APLF: variants seen among roughly 807,000 people sequenced by gnomAD.
The protein encoded by APLF is aprataxin and PNKP like factor, also known as aprataxin and PNK-like factor.
A neutral mutation model predicts 55.6 loss-of-function variants in APLF; 61 were observed. The observed-to-expected ratio is 1.10, with a 90% confidence interval of 0.89 to 1.36. The LOEUF (loss-of-function observed/expected upper bound fraction) is 1.36. Ranked by LOEUF, APLF falls within the 40% of genes most tolerant of loss-of-function variation. The pLI, the probability that APLF is intolerant of heterozygous loss-of-function variation, is 0.00. For missense variants in APLF, 611 were observed against 602.5 expected (o/e 1.01, Z -0.15); for synonymous variants, 207 against 214.8 (o/e 0.96, Z 0.32).
chr2:68,478,084 CACCATGGG>C (rs1234798352), intron 1 of APLF, among the ~76,000 whole-genome samples: 3 of 150,820 alleles, frequency 2.0e-5, no homozygotes, highest in African/African-American at 7.3e-5. Flanking sequence ...TTGATTAACA[CACCATGGG>C]ACCATGGGAC....
Position 68,578,188 on chromosome 2 carries a change from G to A in APLF, c.*166G>A, listed in dbSNP as rs1361566761. 5.1e-6 allele frequency: 7 copies of A among 1,375,258 alleles called. No homozygotes were observed. Among genetic ancestry groups the A allele is most frequent in the African/African-American group, 1.5e-5 (1 of 68,426 alleles). 85.2% of individuals were successfully genotyped at this position (1,375,258 alleles called of 1,614,324 possible). A position where few individuals can be genotyped will look rare whatever the true frequency, so the allele number is the denominator to read the frequency against. On this transcript the variant is annotated 3_prime_UTR_variant, in exon 10 of 10. Transcript: ENST00000303795. ...TGAGACATTGAAACGTCAGCCTTCA[G>A]TATAATAGATGGAATTTTTTGTTGC... is the stretch of plus-strand genomic sequence containing the variant.
At chr2:68,537,617 G>A (rs967363775) in intron 6 of APLF, among the ~76,000 whole-genome samples, 5 of 152,014 alleles carry the variant, frequency 3.3e-5, no homozygotes, top group African/African-American at 7.2e-5. Flanking sequence ...TGATCCACCC[G>A]CCTCAGCCTT....
intron 5 of APLF, among the ~76,000 whole-genome samples, chr2:68,522,746 T>A (rs757216880): frequency 5.9e-5 from 9 of 151,946 alleles, no homozygotes; most frequent in African/African-American, 1.9e-4. Flanking sequence ...CAGTTCAAAC[T>A]GATGGAGAAA....
At chr2:68,549,760 C>G (rs1306478276) in intron 8 of APLF, among the ~76,000 whole-genome samples, 2 of 152,116 alleles carry the variant, frequency 1.3e-5, no homozygotes, top group Non-Finnish European at 2.9e-5. Flanking sequence ...AAAACCTTCA[C>G]TATGATTATA....
At position 68,578,982 on chromosome 2, in the gene APLF, A is replaced by G. The variant is rs533907275; in HGVS notation, c.*960A>G. On this transcript the variant is annotated 3_prime_UTR_variant, in exon 10 of 10. Coordinates refer to ENST00000303795, the MANE Select transcript of APLF (RefSeq NM_173545.3). The stretch of plus-strand genomic sequence containing the variant: ...CTTTAAGCCCTATAATGCTCTTCAT[A>G]TTACGTGACTTTGAATTGTTAAAAT... 2 of 984,802 alleles carry G rather than the reference A, an allele frequency of 2.0e-6. No homozygotes were observed. Among genetic ancestry groups the G allele is most frequent in the Admixed American group, 6.2e-5 (1 of 16,260 alleles). 61.0% of individuals were successfully genotyped at this position (984,802 alleles called of 1,614,324 possible). A position where few individuals can be genotyped will look rare whatever the true frequency, so the allele number is the denominator to read the frequency against.
At chr2:68,535,523 G>T in intron 6 of APLF, 1 of 171,784 alleles carries the variant, frequency 5.8e-6, no homozygotes. Context: ...CTTTAGGTGT[G>T]TCATTATTAT....
rs902912094 is a variant in APLF at position 68,563,009 on chromosome 2, T to G, written c.1287-4332T>G. On this transcript the variant is annotated intron_variant, in intron 8 of 9. Coordinates refer to ENST00000303795, the MANE Select transcript of APLF (RefSeq NM_173545.3). ...GAGAATAAATACCCCAACAGCAAATTTTTGAGCCTGTCATAGATACTCTTT... is the reference window on the plus strand; with the variant it reads ...GAGAATAAATACCCCAACAGCAAATGTTTGAGCCTGTCATAGATACTCTTT... 4.2e-6 allele frequency: 4 copies of G among 952,514 alleles called. No homozygotes were observed. In the African/African-American group the frequency reaches 7.1e-5, roughly 17 times the overall value. The allele number at this position is 952,514 out of a possible 1,614,324, so 59.0% of individuals were successfully genotyped here.
At position 68,529,039 on chromosome 2, in the gene APLF, G is replaced by C; in HGVS notation, c.804+2797G>C. The C allele has an allele frequency of 6.7e-7, 1 of 1,482,700 alleles. No individual in the cohort carries two copies. Among genetic ancestry groups the C allele is most frequent in the South Asian group, 1.2e-5 (1 of 82,854 alleles). The allele number at this position is 1,482,700 out of a possible 1,614,324, so 91.8% of individuals were successfully genotyped here. ...CCTCCATTTTCGGGAGCCTGGCTGG[G>C]ATCACCTGCTCATCTAATGAAGGAA... is the stretch of plus-strand genomic sequence containing the variant. On this transcript the variant is annotated intron_variant, in intron 6 of 9. Transcript: ENST00000303795. The surrounding 1 kb of genome is among the most constrained non-coding windows in gnomAD (Gnocchi z 4.4).
At chr2:68,482,777 T>G (rs1304892513) in intron 1 of APLF, among the ~76,000 whole-genome samples, 3 of 152,176 alleles carry the variant, frequency 2.0e-5, no homozygotes, top group African/African-American at 7.2e-5. Flanking sequence ...TTTGGGGGTA[T>G]GGACACACAA....
chr2:68,525,665 A>G (rs1320253723), intron 5 of APLF, among the ~76,000 whole-genome samples: 1 of 151,418 alleles, frequency 6.6e-6, no homozygotes, highest in Non-Finnish European at 1.5e-5. Flanking sequence ...TTTGCACATA[A>G]GTGTTTCCAA....
At chr2:68,518,540 A>AATAATATATCAATAATGTATCATGAATAT (rs1573209169) in intron 5 of APLF, among the ~76,000 whole-genome samples, 2 of 113,728 alleles carry the variant, frequency 1.8e-5, no homozygotes, top group African/African-American at 7.8e-5. Context: ...ATTAATATAT[A>AATAATATATCAATAATGTATCATGAATAT]ATAATATATC....
intron 1 of APLF, among the ~76,000 whole-genome samples, chr2:68,483,734 T>C (rs1435791060): frequency 6.6e-6 from 1 of 152,102 alleles, no homozygotes; most frequent in African/African-American, 2.4e-5. Flanking sequence ...TACTATAATA[T>C]CCTGTGTAAT....
intron 2 of APLF, 150 bp downstream of exon 2, chr2:68,490,411 A>T: frequency 3.7e-6 from 2 of 547,288 alleles, no homozygotes; most frequent in South Asian, 3.4e-5. Flanking sequence ...GGAGATAAAG[A>T]TCTAAACTGT....
chr2:68,573,672 C>CA (rs67959075), intron 9 of APLF, among the ~76,000 whole-genome samples: 26,438 of 92,792 alleles, frequency 0.28, 2,857 homozygotes, highest in Non-Finnish European at 0.34. Flanking sequence ...GACCTTGTCT[C>CA]AAAAAAAAAA....
At chr2:68,475,701 A>G (rs532516480) in intron 1 of APLF, among the ~76,000 whole-genome samples, 1 of 152,232 alleles carries the variant, frequency 6.6e-6, no homozygotes, top group South Asian at 2.1e-4. Context: ...TATATCAACT[A>G]CTTTTGCTCT....
chr2:68,486,211 T>C (rs1361538056), intron 1 of APLF, among the ~76,000 whole-genome samples: 1 of 152,116 alleles, frequency 6.6e-6, no homozygotes, highest in Non-Finnish European at 1.5e-5. Flanking sequence ...CTTTTTGTGC[T>C]TCAGACCTGG....
At chr2:68,506,716 C>T (rs1676881413) in intron 3 of APLF, among the ~76,000 whole-genome samples, 1 of 151,878 alleles carries the variant, frequency 6.6e-6, no homozygotes, top group African/African-American at 2.4e-5. Flanking sequence ...TACTAACTAC[C>T]CTCTGCTGTA....
Position 68,579,106 on chromosome 2 carries a change from G to A in APLF, c.*1084G>A. On this transcript the variant is annotated 3_prime_UTR_variant, in exon 10 of 10. Transcript: ENST00000303795. ...TAAGCCAAAAGAATCTTTGTTAAAT[G>A]CTATTATTTTCTACTCTAAAGGAAC... 1 of 964,222 alleles carries A rather than the reference G, an allele frequency of 1.0e-6. No individual in the cohort carries two copies. The highest frequency in any genetic ancestry group is 1.2e-6 in the Non-Finnish European group (1 of 810,942). The allele number at this position is 964,222 out of a possible 1,614,324, so 59.7% of individuals were successfully genotyped here. A position where few individuals can be genotyped will look rare whatever the true frequency, so the allele number is the denominator to read the frequency against.
chr2:68,572,347 GA>G (rs1311560218), intron 9 of APLF, among the ~76,000 whole-genome samples: 1 of 152,040 alleles, frequency 6.6e-6, no homozygotes, highest in African/African-American at 2.4e-5. Context: ...TGTTCTTGTA[GA>G]TATAGTAAAT....
Sources: gnomAD v4.1 joint callset for allele counts (sites outside exome capture counted in the v4.1 genomes callset) on GRCh38, gnomAD v4.1.1 for gene constraint, Gnocchi (gnomAD v3.1) non-coding constraint, MANE v1.5 for transcripts, NCBI Gene and HGNC (gene_info 2026-07-23, HGNC 2026-07-21) for gene names.